The following TOX variants were observed in gnomAD, a reference collection of about 807,000 sequenced individuals.
The protein encoded by TOX is thymocyte selection-associated high mobility group box protein TOX.
Under a neutral mutation model 53.7 loss-of-function variants are expected in TOX, and 11 were observed. That is an observed-to-expected ratio of 0.20 (90% CI 0.13 to 0.34). The LOEUF (loss-of-function observed/expected upper bound fraction) is 0.34, where lower values mean the gene tolerates loss of function less well. TOX is among the 10% of genes least tolerant of loss of function. TOX has a pLI of 1.00. For synonymous variants in TOX, 225 were observed against 245.3 expected (o/e 0.92, Z 0.77); for missense variants, 570 against 664.6 (o/e 0.86, Z 1.56).
chr8:59,088,716 G>A (rs369632841), intron 1 of TOX, among the ~76,000 whole-genome samples: 7 of 152,276 alleles, frequency 4.6e-5, no homozygotes, highest in East Asian at 1.9e-4. Flanking sequence ...CACGAACAAA[G>A]GATCATTCCC....
intron 1 of TOX, among the ~76,000 whole-genome samples, chr8:58,971,033 A>AT (rs1327331548): frequency 1.3e-5 from 2 of 152,194 alleles, no homozygotes; most frequent in East Asian, 3.8e-4. Context: ...AAAGTAGTTC[A>AT]TTTTTTCAGA....
Position 59,009,284 on chromosome 8 carries a change from C to T in TOX, c.103-49276G>A, listed in dbSNP as rs145834997. 6.3e-3 allele frequency among the ~76,000 whole-genome samples: 961 copies of T among 151,656 alleles called. 8 individuals carry two copies. Among genetic ancestry groups the T allele is most frequent in the Non-Finnish European group, 8.6e-3 (584 of 67,882 alleles). Reference sequence around the variant, plus strand: ...GCTCTCATCTTCCATTGTATGCCCTCCTTGGCCCTTCAGTCTCCTCTCTTT... The same window carrying T: ...GCTCTCATCTTCCATTGTATGCCCTTCTTGGCCCTTCAGTCTCCTCTCTTT... On this transcript the variant is annotated intron_variant, in intron 1 of 8. Coordinates refer to ENST00000361421, the MANE Select transcript of TOX (RefSeq NM_014729.3).
intron 1 of TOX, among the ~76,000 whole-genome samples, chr8:58,993,493 C>T (rs6471764): frequency 0.94 from 143,507 of 152,294 alleles, 67,659 homozygotes; most frequent in East Asian, 1. Context: ...GGGAAAAGTC[C>T]TTCTCATCTA....
chr8:59,026,901 G>GAAA (rs58806202), intron 1 of TOX, among the ~76,000 whole-genome samples: 5 of 136,146 alleles, frequency 3.7e-5, no homozygotes, highest in African/African-American at 1.1e-4. Context: ...AGAGAGAAAG[G>GAAA]AAAAAAAAAA....
At chr8:58,911,477 C>T (rs1368383788) in intron 3 of TOX, among the ~76,000 whole-genome samples, 2 of 151,954 alleles carry the variant, frequency 1.3e-5, no homozygotes, top group Middle Eastern at 3.2e-3. Context: ...ATGTATTTCT[C>T]GCTAATACTA....
At chr8:58,951,320 C>T (rs1037996288) in intron 2 of TOX, among the ~76,000 whole-genome samples, 4 of 152,148 alleles carry the variant, frequency 2.6e-5, no homozygotes, top group African/African-American at 9.7e-5. Context: ...AAACAGGTAG[C>T]TTCCAACTGA....
Position 59,013,135 on chromosome 8 carries a change from A to T in TOX, c.103-53127T>A, listed in dbSNP as rs551885991. Among the ~76,000 whole-genome samples, 2 of 152,296 alleles carry T rather than the reference A, an allele frequency of 1.3e-5. 1 individual carries two copies. Among genetic ancestry groups the T allele is most frequent in the South Asian group, 4.1e-4 (2 of 4,822 alleles). ...ATGTTTTCTCAATTCTTGGATTTCCAGCAGGCCACTAGGTGAGACCACACT... is the reference window on the plus strand; with the variant it reads ...ATGTTTTCTCAATTCTTGGATTTCCTGCAGGCCACTAGGTGAGACCACACT... On this transcript the variant is annotated intron_variant, in intron 1 of 8. Transcript: ENST00000361421.
chr8:58,924,219 G>A (rs1176433866), intron 3 of TOX, among the ~76,000 whole-genome samples: 1 of 152,172 alleles, frequency 6.6e-6, no homozygotes, highest in Admixed American at 6.5e-5. Flanking sequence ...TGCATTTTTA[G>A]TATTCAGGTA....
rs139848856 is a variant in TOX, at chr8:58,811,129, T to C, written c.1393-2860A>G. 3.4e-3 allele frequency among the ~76,000 whole-genome samples: 517 copies of C among 152,326 alleles called. 1 individual carries two copies. Among genetic ancestry groups the C allele is most frequent in the African/African-American group, 0.011 (470 of 41,562 alleles). On this transcript the variant is annotated intron_variant, in intron 7 of 8. Transcript: ENST00000361421. ...CAATTTAGCAAATGACACATTCCTC[T>C]GAACACTATAAAAAGAGATGCTGAG...
Position 59,014,587 on chromosome 8 carries a change from G to A in TOX, c.103-54579C>T, listed in dbSNP as rs548700306. On this transcript the variant is annotated intron_variant, in intron 1 of 8. Transcript: ENST00000361421. ...ATATCAAAACTTGTGAAGAGTGGAT[G>A]GAAAAATATACTGAGGAAAATGCTG... Among the ~76,000 whole-genome samples, 5 of 152,308 alleles carry A rather than the reference G, an allele frequency of 3.3e-5. No homozygotes were observed. The South Asian group carries it at 1.0e-3, about 32-fold the overall frequency.
intron 1 of TOX, among the ~76,000 whole-genome samples, chr8:59,067,066 G>T (rs756241242): frequency 6.6e-6 from 1 of 152,172 alleles, no homozygotes; most frequent in Non-Finnish European, 1.5e-5. Context: ...AGTTGCAAGC[G>T]CCTTTTCTGC....
intron 3 of TOX, among the ~76,000 whole-genome samples, chr8:58,913,083 T>C (rs141676217): frequency 6.6e-6 from 1 of 152,348 alleles, no homozygotes; most frequent in African/African-American, 2.4e-5. Flanking sequence ...TCATATCCAT[T>C]GAATGAATGT....
Position 59,060,018 on chromosome 8 carries a change from C to CT in TOX, c.102+58867dup, listed in dbSNP as rs1220648084. 7.2e-5 allele frequency among the ~76,000 whole-genome samples: 11 copies of CT among 151,826 alleles called. No individual in the cohort carries two copies. In the East Asian group the frequency reaches 1.2e-3, roughly 16 times the overall value. On this transcript the variant is annotated intron_variant, in intron 1 of 8. Coordinates refer to ENST00000361421, the MANE Select transcript of TOX (RefSeq NM_014729.3). ...TCTTTTACCTTGATCAACCATAGTTCTTTTTTTTCATAATCAGAGACAAAT... is the reference window on the plus strand; with the variant it reads ...TCTTTTACCTTGATCAACCATAGTTCTTTTTTTTTCATAATCAGAGACAAAT...
chr8:58,871,172 C>CAAAAA (rs36036067), intron 3 of TOX, among the ~76,000 whole-genome samples: 4 of 70,448 alleles, frequency 5.7e-5, no homozygotes, highest in African/African-American at 9.5e-5. Flanking sequence ...AGAAGCCAGT[C>CAAAAA]AAAAAAAAAA....
At chr8:58,928,614 G>GT (rs1338416114) in intron 3 of TOX, among the ~76,000 whole-genome samples, 1 of 150,928 alleles carries the variant, frequency 6.6e-6, no homozygotes, top group Non-Finnish European at 1.5e-5. Flanking sequence ...TCCTTTTCCT[G>GT]TTAACTTTTC....
At chr8:58,967,204 C>T (rs548960868) in intron 1 of TOX, among the ~76,000 whole-genome samples, 2 of 152,294 alleles carry the variant, frequency 1.3e-5, no homozygotes, top group African/African-American at 2.4e-5. Context: ...ATTAAGTAGT[C>T]ACTTAGTAAG....
chr8:59,069,604 TATG>T (rs1242122407), intron 1 of TOX, among the ~76,000 whole-genome samples: 1 of 152,168 alleles, frequency 6.6e-6, no homozygotes, highest in Non-Finnish European at 1.5e-5. Flanking sequence ...TGTCGGCACT[TATG>T]ATGATGGCTC....
intron 5 of TOX, among the ~76,000 whole-genome samples, chr8:58,836,560 C>T (rs1810549737): frequency 6.6e-6 from 1 of 152,042 alleles, no homozygotes; most frequent in Non-Finnish European, 1.5e-5. Context: ...TTTCCTAGGA[C>T]AGCACTCCTT....
At chr8:58,867,443 G>A (rs1490217952) in intron 3 of TOX, among the ~76,000 whole-genome samples, 2 of 152,170 alleles carry the variant, frequency 1.3e-5, no homozygotes, top group African/African-American at 4.8e-5. Flanking sequence ...GGGTCTAGAT[G>A]AATAAGGCTC....
Sources: allele counts gnomAD v4.1 joint callset (sites outside exome capture counted in the v4.1 genomes callset), GRCh38; gene constraint gnomAD v4.1.1; transcripts MANE v1.5; gene names NCBI Gene and HGNC (gene_info 2026-07-23, HGNC 2026-07-21).